The following PARD3B variants were observed in gnomAD, a reference collection of about 807,000 sequenced individuals.
PARD3B encodes partitioning defective 3 homolog B.
A neutral mutation model predicts 130.2 loss-of-function variants in PARD3B; 103 were observed. That is an observed-to-expected ratio of 0.79 (90% CI 0.67 to 0.93). The LOEUF is 0.93. Ranked by LOEUF, PARD3B falls within the 40% of genes least tolerant of loss-of-function variation. The pLI is 0.00. For missense variants in PARD3B, 1,609 were observed against 1,499.2 expected (o/e 1.07, Z -1.21); for synonymous variants, 583 against 553.2 (o/e 1.05, Z -0.76).
intron 2 of PARD3B, among the ~76,000 whole-genome samples, chr2:204,695,464 C>T (rs2037567564): frequency 6.6e-6 from 1 of 151,988 alleles, no homozygotes; most frequent in Admixed American, 6.6e-5. Context: ...TAGCTGAAAT[C>T]AGCTTCACTA....
chr2:205,193,810 T>G (rs376505900), intron 15 of PARD3B, among the ~76,000 whole-genome samples: 1 of 152,166 alleles, frequency 6.6e-6, no homozygotes, highest in East Asian at 1.9e-4. Context: ...ATTCAGCTTT[T>G]TAAATGCCCA....
intron 2 of PARD3B, among the ~76,000 whole-genome samples, chr2:204,758,782 C>A: frequency 6.6e-6 from 1 of 152,150 alleles, no homozygotes; most frequent in East Asian, 1.9e-4. Context: ...GCGTGGCATT[C>A]TTTATGATTC....
chr2:205,593,974 A>G (rs575814525), intron 22 of PARD3B, among the ~76,000 whole-genome samples: 1 of 152,318 alleles, frequency 6.6e-6, no homozygotes, highest in Admixed American at 6.5e-5. Context: ...AAAAGCACAT[A>G]TTACTTTACA....
intron 18 of PARD3B, among the ~76,000 whole-genome samples, chr2:205,375,741 T>G (rs2045020377): frequency 1.3e-5 from 2 of 152,108 alleles, no homozygotes; most frequent in South Asian, 4.1e-4. Context: ...GGAAGAGGCT[T>G]AAAGAAAAAG....
At chr2:205,045,953 G>C (rs1193573169) in intron 3 of PARD3B, among the ~76,000 whole-genome samples, 2 of 152,014 alleles carry the variant, frequency 1.3e-5, no homozygotes, top group Non-Finnish European at 2.9e-5. Flanking sequence ...TTTACTTTTT[G>C]TTTATTTTCT....
At chr2:205,380,879 AT>A (rs373775593) in intron 18 of PARD3B, among the ~76,000 whole-genome samples, 4 of 22,652 alleles carry the variant, frequency 1.8e-4, no homozygotes, top group South Asian at 2.0e-3. Flanking sequence ...TAAAGAATAC[AT>A]TATAATATAT....
At chr2:204,759,532 G>A (rs541841690) in intron 2 of PARD3B, among the ~76,000 whole-genome samples, 8 of 151,964 alleles carry the variant, frequency 5.3e-5, no homozygotes, top group Admixed American at 2.0e-4. Flanking sequence ...CATATCAGTG[G>A]TTTTAAAAAT....
intron 1 of PARD3B, among the ~76,000 whole-genome samples, chr2:204,586,509 T>G (rs545612552): frequency 1.3e-5 from 2 of 152,286 alleles, no homozygotes; most frequent in African/African-American, 4.8e-5. Flanking sequence ...GGAGGCAGGG[T>G]TAGAACTGGT....
chr2:205,399,160 C>A (rs1401149844), intron 18 of PARD3B, among the ~76,000 whole-genome samples: 1 of 151,658 alleles, frequency 6.6e-6, no homozygotes, highest in Non-Finnish European at 1.5e-5. Flanking sequence ...ATCCCAGCTA[C>A]TTGGGAGGCT....
At chr2:205,056,055 A>G (rs967791851) in intron 4 of PARD3B, among the ~76,000 whole-genome samples, 2 of 152,048 alleles carry the variant, frequency 1.3e-5, no homozygotes, top group African/African-American at 4.8e-5. Context: ...TACCTTCCAA[A>G]TTGTGGACAT....
At position 205,088,800 on chromosome 2, in the gene PARD3B, C is replaced by CTTT. The variant is rs34435799; in HGVS notation, c.505-15616_505-15614dup. 6.1e-3 allele frequency among the ~76,000 whole-genome samples: 899 copies of CTTT among 146,782 alleles called. 9 individuals carry two copies. Among genetic ancestry groups the CTTT allele is most frequent in the East Asian group, 0.025 (125 of 4,976 alleles). On this transcript the variant is annotated intron_variant, in intron 4 of 22. Coordinates refer to ENST00000406610, the MANE Select transcript of PARD3B (RefSeq NM_001302769.2). ...AGAATGGTGCAACACTTATGACTGTCTTTTTTTTTTTTGAGGTGGAATCTT... is the reference window on the plus strand; with the variant it reads ...AGAATGGTGCAACACTTATGACTGTCTTTTTTTTTTTTTTTGAGGTGGAATCTT...
intron 20 of PARD3B, among the ~76,000 whole-genome samples, chr2:205,469,932 A>G (rs1226790590): frequency 6.6e-6 from 1 of 152,204 alleles, no homozygotes; most frequent in African/African-American, 2.4e-5. Context: ...CTCTTTCAGT[A>G]CCTTGAATAT....
chr2:204,770,460 T>C (rs553998708), intron 2 of PARD3B, among the ~76,000 whole-genome samples: 8 of 151,158 alleles, frequency 5.3e-5, no homozygotes, highest in African/African-American at 1.9e-4. Context: ...GGTGTGGTGC[T>C]GAAAAAAATG....
chr2:205,044,760 C>G (rs1042143040), intron 3 of PARD3B, among the ~76,000 whole-genome samples: 2 of 152,224 alleles, frequency 1.3e-5, no homozygotes, highest in Non-Finnish European at 2.9e-5. Context: ...GTTGCCTGTT[C>G]ACTCTGATGG....
intron 16 of PARD3B, among the ~76,000 whole-genome samples, chr2:205,298,445 G>A (rs543911807): frequency 1.3e-5 from 2 of 151,332 alleles, no homozygotes; most frequent in South Asian, 2.1e-4. Flanking sequence ...CATATCCTCA[G>A]TATTTATGAC....
chr2:205,027,925 G>T (rs1319998443), intron 3 of PARD3B, among the ~76,000 whole-genome samples: 2 of 152,066 alleles, frequency 1.3e-5, no homozygotes, highest in Non-Finnish European at 2.9e-5. Context: ...TGGTCAATGT[G>T]TCTTGTTTTT....
At position 205,220,116 on chromosome 2, in the gene PARD3B, C is replaced by T. The variant is rs546172172; in HGVS notation, c.2141-25662C>T. On this transcript the variant is annotated intron_variant, in intron 15 of 22. Transcript: ENST00000406610. ...GAAGCAACTGCTTCCTGCCTTACTC[C>T]CATCCAATTTATTTTCCACGCTGCA... Among the ~76,000 whole-genome samples, 4 of 152,194 alleles carry T rather than the reference C, an allele frequency of 2.6e-5. No homozygotes were observed. The South Asian group carries it at 6.2e-4, about 24-fold the overall frequency.
chr2:205,436,901 A>G (rs2047536271), intron 19 of PARD3B, among the ~76,000 whole-genome samples: 1 of 151,610 alleles, frequency 6.6e-6, no homozygotes, highest in East Asian at 1.9e-4. Flanking sequence ...CTTCACCTCC[A>G]TGAAGTTTTT....
chr2:204,760,027 A>T (rs2040832945), intron 2 of PARD3B, among the ~76,000 whole-genome samples: 1 of 152,162 alleles, frequency 6.6e-6, no homozygotes. Context: ...ATATCCAATG[A>T]AATATAAATA....
Sources: allele counts gnomAD v4.1 joint callset (sites outside exome capture counted in the v4.1 genomes callset), GRCh38; gene constraint gnomAD v4.1.1; transcripts MANE v1.5; gene names NCBI Gene and HGNC (gene_info 2026-07-23, HGNC 2026-07-21).